CNRIP1: variants seen among roughly 807,000 people sequenced by gnomAD.
The protein encoded by CNRIP1 is cannabinoid receptor interacting protein 1, also known as CB1 cannabinoid receptor-interacting protein 1.
A neutral mutation model predicts 15.2 loss-of-function variants in CNRIP1; 10 were observed. The ratio of observed to expected loss-of-function variants is 0.66; its 90% CI spans 0.41 to 1.12. The LOEUF (loss-of-function observed/expected upper bound fraction) is 1.12, where lower values mean the gene tolerates loss of function less well. Among genes scored for constraint, CNRIP1 ranks in the 50% most tolerant of loss-of-function variants. The pLI, the probability that CNRIP1 is intolerant of heterozygous loss-of-function variation, is 0.00. For missense variants in CNRIP1, 211 were observed against 214.7 expected, an observed-to-expected ratio of 0.98 and a Z score of 0.11; for synonymous variants, 91 against 83.2, an observed-to-expected ratio of 1.09 and a Z score of -0.51.
intron 2 of CNRIP1, among the ~76,000 whole-genome samples, chr2:68,298,447 TTA>T (rs1022047754): frequency 6.1e-4 from 93 of 152,136 alleles, no homozygotes; most frequent in African/African-American, 2.0e-3. Context: ...TAAAAGTTGG[TTA>T]TAAAAATAAA....
At position 68,319,339 on chromosome 2, in the gene CNRIP1, C is replaced by T. The variant is rs1156579474; in HGVS notation, c.62G>A (p.Gly21Asp). ...SIALRIQPND[G>D]PVFYKVDGQR... ...CCCGTCCACCTTGTAAAAGACCGGG[C>T]CGTCATTAGGCTGGATGCGCAGCGC... Residue 21 changes from glycine to aspartate, a missense_variant, in exon 1 of 3, where the codon GGC (glycine) becomes GAC (aspartate). Transcript: ENST00000263655. 1 of 1,574,930 alleles carries T rather than the reference C, an allele frequency of 6.3e-7. No individual in the cohort carries two copies.
intron 2 of CNRIP1, among the ~76,000 whole-genome samples, chr2:68,298,940 G>T (rs1045296503): frequency 3.3e-5 from 5 of 152,286 alleles, no homozygotes; most frequent in African/African-American, 1.2e-4. Context: ...TACCCAGGCA[G>T]GCTCCTGGGT....
At chr2:68,311,657 C>G (rs566530541) in intron 2 of CNRIP1, among the ~76,000 whole-genome samples, 1 of 151,552 alleles carries the variant, frequency 6.6e-6, no homozygotes, top group South Asian at 2.1e-4. Context: ...CACCTGTAAT[C>G]CCAGCTACTT....
At chr2:68,291,666 G>T (rs544407654), downstream of CNRIP1, among the ~76,000 whole-genome samples, 6 of 152,170 alleles carry the variant, frequency 3.9e-5, no homozygotes, top group South Asian at 1.2e-3. Flanking sequence ...AGATCACGAG[G>T]TCAGGAGTTT....
Position 68,295,950 on chromosome 2 carries a change from C to G in CNRIP1, c.331-1924G>C, listed in dbSNP as rs1172902763. Among the ~76,000 whole-genome samples, 5 of 152,066 alleles carry G rather than the reference C, an allele frequency of 3.3e-5. No homozygotes were observed. The South Asian group carries it at 8.3e-4, about 25-fold the overall frequency. On this transcript the variant is annotated intron_variant, in intron 2 of 2. Transcript: ENST00000263655. ...CCATTTTTAGTGAGCTATAAGAAAA[C>G]AGGTATTCTAAATGCTGCTAATGGG...
downstream of CNRIP1, among the ~76,000 whole-genome samples, chr2:68,292,625 A>G (rs1345688539): frequency 1.3e-5 from 2 of 152,192 alleles, no homozygotes; most frequent in East Asian, 3.8e-4. Context: ...ACTGTATGGT[A>G]TATGGGCTTT....
Position 68,308,200 on chromosome 2 carries a change from A to AAAAAC in CNRIP1, c.330+8952_330+8956dup, listed in dbSNP as rs202078137. On this transcript the variant is annotated intron_variant, in intron 2 of 2. Coordinates refer to ENST00000263655, the MANE Select transcript of CNRIP1 (RefSeq NM_015463.3). ...AGAGTGAGATTCTGTCTCTTATTAA[A>AAAAAC]AAAACAAAACAAAACAAAACAAAAC... 2.5e-4 allele frequency among the ~76,000 whole-genome samples: 37 copies of AAAAAC among 150,236 alleles called. 1 individual carries two copies. Among genetic ancestry groups the AAAAAC allele is most frequent in the East Asian group, 3.9e-4 (2 of 5,190 alleles).
At chr2:68,289,293 T>G (rs1310641376), downstream of CNRIP1, among the ~76,000 whole-genome samples, 2 of 152,218 alleles carry the variant, frequency 1.3e-5, no homozygotes, top group Non-Finnish European at 2.9e-5. Context: ...TAAAATATGC[T>G]ATTTTAAACT....
intron 2 of CNRIP1, among the ~76,000 whole-genome samples, chr2:68,287,437 T>A (rs1052980639): frequency 6.6e-6 from 1 of 152,206 alleles, no homozygotes; most frequent in Non-Finnish European, 1.5e-5. Context: ...GTGATAGATA[T>A]GGGAATGTGT....
chr2:68,302,506 T>C (rs1671648905), intron 2 of CNRIP1, among the ~76,000 whole-genome samples: 1 of 152,208 alleles, frequency 6.6e-6, no homozygotes, highest in Admixed American at 6.5e-5. Flanking sequence ...TTGAGAGGCA[T>C]AAAGTTGGGT....
chr2:68,291,147 GCGAT>G (rs1408124570), downstream of CNRIP1, among the ~76,000 whole-genome samples: 1 of 152,174 alleles, frequency 6.6e-6, no homozygotes, highest in Admixed American at 6.5e-5. Context: ...TATGCCAGGA[GCGAT>G]CACTTAACGT....
chr2:68,305,272 ATATGTGTG>A (rs1184977612), intron 2 of CNRIP1, among the ~76,000 whole-genome samples: 5 of 69,008 alleles, frequency 7.2e-5, no homozygotes, highest in East Asian at 1.9e-3. Flanking sequence ...ATATATATAT[ATATGTGTG>A]TGTGTGTGTG....
exon 3 of CNRIP1, chr2:68,284,280 G>A (rs954483464): frequency 2.0e-6 from 1 of 508,286 alleles, no homozygotes; most frequent in Non-Finnish European, 3.4e-6. Flanking sequence ...GGTCTAAAAA[G>A]GTAGAGTTTA....
downstream of CNRIP1, among the ~76,000 whole-genome samples, chr2:68,289,356 C>T (rs961907617): frequency 4.8e-4 from 73 of 152,008 alleles, no homozygotes; most frequent in African/African-American, 1.1e-3. Flanking sequence ...TAGAGTATAA[C>T]GTTTGGCCAT....
chr2:68,304,087 A>C (rs529365204), intron 2 of CNRIP1, among the ~76,000 whole-genome samples: 49 of 150,352 alleles, frequency 3.3e-4, no homozygotes, highest in African/African-American at 1.1e-3. Context: ...AACAAACAAA[A>C]AAAACAAACA....
intron 2 of CNRIP1, among the ~76,000 whole-genome samples, chr2:68,309,339 GT>G (rs1671988694): frequency 6.6e-6 from 1 of 152,200 alleles, no homozygotes. Flanking sequence ...CAAAAGTCAT[GT>G]GCTAAATTGA....
chr2:68,299,928 T>A (rs933385823), intron 2 of CNRIP1, among the ~76,000 whole-genome samples: 4 of 152,206 alleles, frequency 2.6e-5, no homozygotes, highest in African/African-American at 9.7e-5. Context: ...CACGTAGAAA[T>A]CCATTGGCTT....
downstream of CNRIP1, among the ~76,000 whole-genome samples, chr2:68,288,262 ATT>A (rs573507789): frequency 1.7e-4 from 26 of 152,256 alleles, no homozygotes; most frequent in East Asian, 3.9e-3. Flanking sequence ...ATATTTCAAT[ATT>A]TTTCTTGACT....
exon 3 of CNRIP1, chr2:68,284,284 G>C (rs1670974209): frequency 1.2e-5 from 6 of 515,688 alleles, no homozygotes; most frequent in Non-Finnish European, 2.0e-5. Flanking sequence ...TAAAAAGGTA[G>C]AGTTTAGGAA....
Sources: gnomAD v4.1 joint callset for allele counts (sites outside exome capture counted in the v4.1 genomes callset) on GRCh38, gnomAD v4.1.1 for gene constraint, MANE v1.5 for transcripts, NCBI Gene and HGNC (gene_info 2026-07-23, HGNC 2026-07-21) for gene names.